The following PDGFC variants were observed in gnomAD, a reference collection of about 807,000 sequenced individuals.
PDGFC encodes the protein platelet derived growth factor C.
In PDGFC, 12 loss-of-function variants were observed where a neutral mutation model predicts 35.5. That is an observed-to-expected ratio of 0.34 (90% CI 0.22 to 0.55). The LOEUF is 0.55. Among genes scored for constraint, PDGFC ranks in the 20% least tolerant of loss-of-function variants. The pLI is 0.91. For synonymous variants in PDGFC, 159 were observed against 148.8 expected (o/e 1.07, Z -0.50); for missense variants, 322 against 412.4 (o/e 0.78, Z 1.90).
At chr4:156,801,321 A>G (rs1221832837) in intron 3 of PDGFC, among the ~76,000 whole-genome samples, 1 of 152,124 alleles carries the variant, frequency 6.6e-6, no homozygotes, top group Non-Finnish European at 1.5e-5. Context: ...TTTGAGTAAT[A>G]ATAAAGCTCC....
intron 1 of PDGFC, among the ~76,000 whole-genome samples, chr4:156,894,744 A>G (rs1423275715): frequency 6.6e-6 from 1 of 152,170 alleles, no homozygotes; most frequent in Non-Finnish European, 1.5e-5. Context: ...AAAAGTCAGA[A>G]GACAGAATTT....
chr4:156,777,231 A>G (rs767864721), intron 3 of PDGFC, among the ~76,000 whole-genome samples: 3 of 152,158 alleles, frequency 2.0e-5, no homozygotes, highest in Non-Finnish European at 2.9e-5. Context: ...TATAAATAGA[A>G]GCAGTATGGT....
chr4:156,819,607 T>G (rs928026734), intron 2 of PDGFC, among the ~76,000 whole-genome samples: 1 of 152,180 alleles, frequency 6.6e-6, no homozygotes, highest in Non-Finnish European at 1.5e-5. Flanking sequence ...TACTGCTCAT[T>G]TGCAATCCAC....
At chr4:156,860,994 A>C (rs1579061393) in intron 1 of PDGFC, among the ~76,000 whole-genome samples, 1 of 152,178 alleles carries the variant, frequency 6.6e-6, no homozygotes, top group Non-Finnish European at 1.5e-5. Context: ...ACAATGAAAA[A>C]ATATAAGAAA....
intron 1 of PDGFC, among the ~76,000 whole-genome samples, chr4:156,964,647 G>A (rs969338585): frequency 1.3e-5 from 2 of 152,032 alleles, no homozygotes; most frequent in Non-Finnish European, 2.9e-5. Context: ...TAAAAAGTAT[G>A]TGAATTTTGA....
At chr4:156,925,544 A>G (rs2110856995) in intron 1 of PDGFC, among the ~76,000 whole-genome samples, 1 of 152,200 alleles carries the variant, frequency 6.6e-6, no homozygotes, top group Non-Finnish European at 1.5e-5. Flanking sequence ...AGCACATTTG[A>G]GGAAAGAAAA....
chr4:156,927,815 C>A (rs576465837), intron 1 of PDGFC, among the ~76,000 whole-genome samples: 1 of 152,270 alleles, frequency 6.6e-6, no homozygotes, highest in Admixed American at 6.5e-5. Context: ...AAAGTCGCTT[C>A]CACATTTTTG....
chr4:156,935,394 TA>T (rs1388803718), intron 1 of PDGFC, among the ~76,000 whole-genome samples: 5 of 152,238 alleles, frequency 3.3e-5, no homozygotes, highest in Admixed American at 6.5e-5. Flanking sequence ...TCATTATCTT[TA>T]TCAAGTATTA....
chr4:156,911,665 T>C (rs1036569311), intron 1 of PDGFC, among the ~76,000 whole-genome samples: 25 of 152,266 alleles, frequency 1.6e-4, no homozygotes, highest in Admixed American at 1.6e-3. Context: ...AGAAGTTAAA[T>C]AACTTGGTCA....
chr4:156,824,327 T>TATACACATATACACATACAC (rs1491500876), intron 2 of PDGFC, among the ~76,000 whole-genome samples: 4 of 102,836 alleles, frequency 3.9e-5, no homozygotes, highest in African/African-American at 1.4e-4. Context: ...TATATATATA[T>TATACACATATACACATACAC]ACACACACAC....
intron 2 of PDGFC, among the ~76,000 whole-genome samples, chr4:156,828,711 C>A (rs1008875941): frequency 9.2e-5 from 14 of 152,076 alleles, no homozygotes; most frequent in Admixed American, 3.9e-4. Context: ...ATTTAACGTA[C>A]AGATAGAACA....
intron 2 of PDGFC, among the ~76,000 whole-genome samples, chr4:156,814,187 C>T (rs996806645): frequency 2.0e-5 from 3 of 152,096 alleles, no homozygotes; most frequent in African/African-American, 7.2e-5. Flanking sequence ...TCTGAGTTGG[C>T]CACCCTTGCA....
At chr4:156,827,683 T>C (rs1728812782) in intron 2 of PDGFC, among the ~76,000 whole-genome samples, 1 of 152,142 alleles carries the variant, frequency 6.6e-6, no homozygotes, top group South Asian at 2.1e-4. Flanking sequence ...TGTCAAAAAA[T>C]ATGCAGCTTA....
intron 1 of PDGFC, among the ~76,000 whole-genome samples, chr4:156,963,186 G>T (rs150395390): frequency 6.6e-6 from 1 of 151,982 alleles, no homozygotes; most frequent in Admixed American, 6.6e-5. Flanking sequence ...AAAAAAAGCC[G>T]GCTGGGCACA....
In PDGFC at chr4:156,825,584, TAATAATAATAAGAAG is replaced by T. The variant is rs1194746834; in HGVS notation, c.315-14582_315-14568del. 2.9e-3 allele frequency among the ~76,000 whole-genome samples: 258 copies of T among 90,164 alleles called. 1 individual carries two copies. The highest frequency in any genetic ancestry group is 0.016 in the South Asian group (39 of 2,480). 59.2% of individuals were successfully genotyped at this position (90,164 alleles called of 152,430 possible). On this transcript the variant is annotated intron_variant, in intron 2 of 5. Coordinates refer to ENST00000502773, the MANE Select transcript of PDGFC (RefSeq NM_016205.3). ...ATAATAATAATAATAATAATAATAA[TAATAATAATAAGAAG>T]AAGAAGAAGAAGAAGAAGAAGAAGA...
chr4:156,790,176 G>A (rs1731255734), intron 3 of PDGFC, among the ~76,000 whole-genome samples: 1 of 152,010 alleles, frequency 6.6e-6, no homozygotes, highest in Non-Finnish European at 1.5e-5. Flanking sequence ...TAACACATAA[G>A]CTATCTAATT....
chr4:156,898,473 C>T (rs1579085677), intron 1 of PDGFC, among the ~76,000 whole-genome samples: 1 of 152,154 alleles, frequency 6.6e-6, no homozygotes, highest in East Asian at 1.9e-4. Flanking sequence ...TATGGACAAG[C>T]CTTCCAGATC....
chr4:156,924,628 G>A (rs149867006), intron 1 of PDGFC, among the ~76,000 whole-genome samples: 200 of 152,212 alleles, frequency 1.3e-3, no homozygotes, highest in African/African-American at 4.2e-3. Flanking sequence ...AAGAAATGTC[G>A]GTCAGGAAAA....
chr4:156,783,425 T>C (rs550263942), intron 3 of PDGFC, among the ~76,000 whole-genome samples: 1 of 149,606 alleles, frequency 6.7e-6, no homozygotes, highest in Non-Finnish European at 1.5e-5. Flanking sequence ...GTGTGCAGAC[T>C]CTGGTGGGAG....
Sources: allele counts gnomAD v4.1 joint callset (sites outside exome capture counted in the v4.1 genomes callset), GRCh38; gene constraint gnomAD v4.1.1; transcripts MANE v1.5; gene names NCBI Gene and HGNC (gene_info 2026-07-23, HGNC 2026-07-21).